WNT7B: variants seen among roughly 807,000 people sequenced by gnomAD.
The protein encoded by WNT7B is Wnt family member 7B.
In WNT7B, 19 loss-of-function variants were observed where a neutral mutation model predicts 38.2. The observed-to-expected ratio is 0.50, with a 90% confidence interval of 0.35 to 0.73. The LOEUF is 0.73. Ranked by LOEUF, WNT7B falls within the 30% of genes least tolerant of loss-of-function variation. The pLI, the probability that WNT7B is intolerant of heterozygous loss-of-function variation, is 0.01. For synonymous variants in WNT7B, 243 were observed against 209.3 expected (o/e 1.16, Z -1.39); for missense variants, 423 against 507.9 (o/e 0.83, Z 1.61).
chr22:45,964,029 T>C (rs1288718817), intron 1 of WNT7B, among the ~76,000 whole-genome samples: 1 of 151,984 alleles, frequency 6.6e-6, no homozygotes, highest in Non-Finnish European at 1.5e-5. Context: ...GTGCGGCCCA[T>C]GTGCAATCTG....
At chr22:45,952,378 C>T (rs1156233513) in intron 1 of WNT7B, among the ~76,000 whole-genome samples, 2 of 146,502 alleles carry the variant, frequency 1.4e-5, no homozygotes, top group Non-Finnish European at 3.0e-5. Flanking sequence ...GCCCACTAAT[C>T]TGGCCAAGAC....
At chr22:45,941,627 G>T (rs1330498170) in intron 2 of WNT7B, among the ~76,000 whole-genome samples, 5 of 152,130 alleles carry the variant, frequency 3.3e-5, no homozygotes, top group Non-Finnish European at 7.4e-5. Context: ...GGAAAGAGTT[G>T]CCTCGGCCAC....
At chr22:45,957,104 CAAA>C (rs34329899) in intron 1 of WNT7B, among the ~76,000 whole-genome samples, 2 of 80,702 alleles carry the variant, frequency 2.5e-5, no homozygotes, top group African/African-American at 4.4e-5. Context: ...GACTCTGTCT[CAAA>C]AAAAAAAAAA....
chr22:45,930,535 G>A (rs576003663), intron 3 of WNT7B, among the ~76,000 whole-genome samples: 18 of 152,262 alleles, frequency 1.2e-4, no homozygotes, highest in East Asian at 3.9e-4. Context: ...CTTCTTCCCC[G>A]GTGTGTCCCT....
intron 3 of WNT7B, among the ~76,000 whole-genome samples, chr22:45,929,475 T>TCCATCCAC (rs112369946): frequency 0.39 from 54,689 of 141,544 alleles, 11,051 homozygotes; most frequent in African/African-American, 0.49. Flanking sequence ...TACTTATCCT[T>TCCATCCAC]CCATCTGTAC....
rs970091150 is a variant in WNT7B at position 45,951,027 on chromosome 22, G to A, written c.72-881C>T. ...CCCTAGACAAGAACCCGCAGGTCAC[G>A]CTCACTCTACTTCAAGTGATATCAG... On this transcript the variant is annotated intron_variant, in intron 1 of 3. Transcript: ENST00000339464. This position sits in a 1 kb window ranked among gnomAD's most constrained non-coding sequence, Gnocchi z 4.8. Among the ~76,000 whole-genome samples, 3 of 152,296 alleles carry A rather than the reference G, an allele frequency of 2.0e-5. No homozygotes were observed. The highest frequency in any genetic ancestry group is 1.9e-4 in the East Asian group (1 of 5,184).
At chr22:45,970,133 G>C (rs1341863868) in intron 1 of WNT7B, among the ~76,000 whole-genome samples, 1 of 152,146 alleles carries the variant, frequency 6.6e-6, no homozygotes, top group African/African-American at 2.4e-5. Context: ...CCCTCACTCC[G>C]GGAACGTGTC....
chr22:45,923,061 G>A lies in WNT7B; in HGVS notation c.845C>T (p.Ala282Val), dbSNP rs768571825. 14 of 1,612,916 alleles carry A rather than the reference G, an allele frequency of 8.7e-6. No individual in the cohort carries two copies. Among genetic ancestry groups the A allele is most frequent in the Admixed American group, 8.3e-5 (5 of 60,004 alleles). The stretch of plus-strand genomic sequence containing the variant: ...CTGCGTGCCCACGCTGCCCGTGGCC[G>A]CGTCCTCCTCGCAGTAGTTGGGCGA... Reference protein sequence around the residue: ...EKSPNYCEEDAATGSVGTQGR... With the variant: ...EKSPNYCEEDVATGSVGTQGR... Residue 282 changes from alanine to valine, a missense_variant, in exon 4 of 4, where the codon GCG (alanine) becomes GTG (valine). Ala to Val is a moderately conservative substitution (Grantham distance 64). Transcript: ENST00000339464.
intron 1 of WNT7B, among the ~76,000 whole-genome samples, chr22:45,954,183 T>C (rs1347943481): frequency 2.0e-5 from 3 of 152,054 alleles, no homozygotes; most frequent in African/African-American, 7.3e-5. Context: ...TGTGGTTCCA[T>C]GGCTATGAAA....
intron 3 of WNT7B, among the ~76,000 whole-genome samples, chr22:45,930,357 A>C (rs1163299288): frequency 6.6e-6 from 1 of 152,238 alleles, no homozygotes; most frequent in African/African-American, 2.4e-5. Context: ...GAAGCCCCCT[A>C]GGCTCTGCTG....
chr22:45,930,774 G>A (rs1461392941), intron 3 of WNT7B, among the ~76,000 whole-genome samples: 1 of 152,182 alleles, frequency 6.6e-6, no homozygotes, highest in Non-Finnish European at 1.5e-5. Flanking sequence ...GACATGGGCT[G>A]TGGCCTGGGA....
chr22:45,929,607 C>T (rs1316302592), intron 3 of WNT7B, among the ~76,000 whole-genome samples: 1 of 137,850 alleles, frequency 7.3e-6, no homozygotes, highest in Admixed American at 7.4e-5. Context: ...CATCCATCCA[C>T]CTGCCCATAC....
chr22:45,959,489 T>G (rs538267481), intron 1 of WNT7B, among the ~76,000 whole-genome samples: 1 of 152,234 alleles, frequency 6.6e-6, no homozygotes, highest in South Asian at 2.1e-4. Flanking sequence ...TTTCTGGTGA[T>G]GAAGCCTGGG....
intron 1 of WNT7B, chr22:45,954,638 A>T: frequency 6.1e-6 from 6 of 985,402 alleles, no homozygotes; most frequent in Non-Finnish European, 7.2e-6. Flanking sequence ...AGGGGAAGTA[A>T]AGGCATCAGG....
chr22:45,929,858 T>TTCCA (rs917478764), intron 3 of WNT7B, among the ~76,000 whole-genome samples: 3 of 105,228 alleles, frequency 2.9e-5, no homozygotes, highest in Non-Finnish European at 5.8e-5. Context: ...CCACTCATCC[T>TTCCA]TCCATCCATC....
rs943260528 is a variant in WNT7B at position 45,922,800 on chromosome 22, G to T, written c.*56C>A. The T allele has an allele frequency of 1.3e-6, 2 of 1,553,452 alleles. No individual in the cohort carries two copies. Among genetic ancestry groups the T allele is most frequent in the Admixed American group, 1.8e-5 (1 of 56,080 alleles). ...ACCAAGGCAGGGAAGGTGAGGAGTG[G>T]ATGTGCAAAATGCCGCCGGGTTCCA... is the stretch of plus-strand genomic sequence containing the variant. On this transcript the variant is annotated 3_prime_UTR_variant, in exon 4 of 4. Transcript: ENST00000339464.
chr22:45,969,288 C>T (rs150205561), intron 1 of WNT7B, among the ~76,000 whole-genome samples: 2,311 of 152,360 alleles, frequency 0.015, 26 homozygotes, highest in African/African-American at 0.042. Flanking sequence ...CAGGCGGTCA[C>T]CATGACAGGC....
intron 1 of WNT7B, among the ~76,000 whole-genome samples, chr22:45,974,357 C>A (rs1314734014): frequency 6.6e-6 from 1 of 152,218 alleles, no homozygotes; most frequent in Non-Finnish European, 1.5e-5. Flanking sequence ...GGTCATTTAA[C>A]CCCTGACGAC....
rs61731169 is a variant in WNT7B, at chr22:45,923,054, C to T, written c.852G>A (p.Thr284=). ...SPNYCEEDAA[T]GSVGTQGRLC... ...GACGGCCCTGCGTGCCCACGCTGCCCGTGGCCGCGTCCTCCTCGCAGTAGT... is the reference window on the plus strand; with the variant it reads ...GACGGCCCTGCGTGCCCACGCTGCCTGTGGCCGCGTCCTCCTCGCAGTAGT... Residue 284 remains threonine, a synonymous_variant, in exon 4 of 4, where the codon ACG becomes ACA. Transcript: ENST00000339464. 49,593 of 1,612,830 alleles carry T rather than the reference C, an allele frequency of 0.031. 895 individuals carry two copies. The highest frequency in any genetic ancestry group is 0.036 in the Non-Finnish European group (42,310 of 1,179,460).
Sources: gnomAD v4.1 joint callset for allele counts (sites outside exome capture counted in the v4.1 genomes callset) on GRCh38, gnomAD v4.1.1 for gene constraint, Gnocchi (gnomAD v3.1) non-coding constraint, MANE v1.5 for transcripts, NCBI Gene and HGNC (gene_info 2026-07-23, HGNC 2026-07-21) for gene names.